CNTNAP4: variants seen among roughly 807,000 people sequenced by gnomAD.
The protein encoded by CNTNAP4 is contactin-associated protein-like 4.
A neutral mutation model predicts 148.4 loss-of-function variants in CNTNAP4; 98 were observed. That is an observed-to-expected ratio of 0.66 (90% CI 0.56 to 0.78). CNTNAP4 has a LOEUF of 0.78. Ranked by LOEUF, CNTNAP4 falls within the 30% of genes least tolerant of loss-of-function variation. The pLI, the probability that CNTNAP4 is intolerant of heterozygous loss-of-function variation, is 0.00. For missense variants in CNTNAP4, 1,935 were observed against 1,565.6 expected (o/e 1.24, Z -3.98); for synonymous variants, 730 against 565.1 (o/e 1.29, Z -4.14).
At chr16:76,349,924 A>G (rs1362772059) in intron 2 of CNTNAP4, among the ~76,000 whole-genome samples, 1 of 152,080 alleles carries the variant, frequency 6.6e-6, no homozygotes, top group African/African-American at 2.4e-5. Context: ...TTTTAATATT[A>G]CTACGGGATA....
chr16:76,279,194 A>G (rs1567560143), intron 1 of CNTNAP4, among the ~76,000 whole-genome samples: 1 of 152,184 alleles, frequency 6.6e-6, no homozygotes, highest in South Asian at 2.1e-4. Context: ...GTTCAACCAA[A>G]AAGAAAAGCA....
intron 1 of CNTNAP4, among the ~76,000 whole-genome samples, chr16:76,287,042 G>A (rs1958918024): frequency 6.6e-6 from 1 of 152,128 alleles, no homozygotes; most frequent in African/African-American, 2.4e-5. Context: ...TCACAATCCT[G>A]TTAAGAAAAC....
chr16:76,309,936 C>T (rs1403175861), intron 1 of CNTNAP4: 1 of 701,066 alleles, frequency 1.4e-6, no homozygotes, highest in Admixed American at 2.0e-5. Context: ...TTTTTCTTCC[C>T]CGTCTCGGGT....
intron 3 of CNTNAP4, among the ~76,000 whole-genome samples, chr16:76,373,388 C>G (rs947133890): frequency 2.0e-5 from 3 of 152,088 alleles, no homozygotes; most frequent in Non-Finnish European, 4.4e-5. Context: ...AACTACATAG[C>G]TTTATCTATC....
intron 8 of CNTNAP4, among the ~76,000 whole-genome samples, chr16:76,456,063 G>A (rs938332384): frequency 3.3e-5 from 5 of 152,112 alleles, no homozygotes; most frequent in African/African-American, 1.2e-4. Context: ...GGTCTCCAAC[G>A]TGTAATTGCA....
In CNTNAP4 at chr16:76,503,541, T is replaced by A. The variant is rs184928520; in HGVS notation, c.2365+4847T>A. Among the ~76,000 whole-genome samples, 278 of 152,296 alleles carry A rather than the reference T, an allele frequency of 1.8e-3. 3 individuals carry two copies. The highest frequency in any genetic ancestry group is 1.5e-3 in the Non-Finnish European group (99 of 68,016). ...CAAAAGTGAATTATATATTTTTTAT[T>A]ATTATACTTTAAGTTCTAGGGTACA... On this transcript the variant is annotated intron_variant, in intron 15 of 23. Transcript: ENST00000611870.
chr16:76,438,207 C>T (rs570724373), intron 4 of CNTNAP4, among the ~76,000 whole-genome samples: 25 of 152,054 alleles, frequency 1.6e-4, no homozygotes, highest in Non-Finnish European at 1.9e-4. Flanking sequence ...AGCAAGGGTC[C>T]GTGCTCCTGC....
intron 1 of CNTNAP4, among the ~76,000 whole-genome samples, chr16:76,296,460 AAG>A (rs1309205874): frequency 1.3e-5 from 2 of 152,224 alleles, no homozygotes; most frequent in African/African-American, 4.8e-5. Context: ...GATGTGTAAA[AAG>A]AGAATTTGGT....
At position 76,466,092 on chromosome 16, in the gene CNTNAP4, TA is replaced by T. The variant is rs566378743; in HGVS notation, c.1484-1253del. ...ACTATCATGGCAAATAAAGATTAAT[TA>T]AAAAAATAATAACCACCCATCTAGT... is the stretch of plus-strand genomic sequence containing the variant. On this transcript the variant is annotated intron_variant, in intron 9 of 23. Transcript: ENST00000611870. Among the ~76,000 whole-genome samples the T allele has an allele frequency of 7.2e-5, 11 of 152,264 alleles. No individual in the cohort carries two copies. The South Asian group carries it at 2.3e-3, about 32-fold the overall frequency.
intron 3 of CNTNAP4, among the ~76,000 whole-genome samples, chr16:76,409,712 TTA>T (rs1343947127): frequency 1.3e-5 from 2 of 152,020 alleles, no homozygotes; most frequent in African/African-American, 4.8e-5. Flanking sequence ...GTTTAAATAA[TTA>T]TTTGGCTTTA....
chr16:76,393,730 A>G (rs932014380), intron 3 of CNTNAP4, among the ~76,000 whole-genome samples: 1 of 152,118 alleles, frequency 6.6e-6, no homozygotes, highest in Non-Finnish European at 1.5e-5. Context: ...GGCAGAGGGT[A>G]TCCTGGGCTG....
chr16:76,481,150 G>A (rs953196626), intron 12 of CNTNAP4, among the ~76,000 whole-genome samples: 7 of 152,104 alleles, frequency 4.6e-5, no homozygotes, highest in African/African-American at 1.2e-4. Context: ...AAGGAAAGAT[G>A]GTCTTTTCAA....
chr16:76,370,832 G>T (rs13337026), intron 3 of CNTNAP4, among the ~76,000 whole-genome samples: 7,634 of 152,142 alleles, frequency 0.05, 617 homozygotes, highest in African/African-American at 0.17. Flanking sequence ...AAAGAAAATA[G>T]ATCAATATTT....
intron 21 of CNTNAP4, among the ~76,000 whole-genome samples, chr16:76,541,965 CAT>C (rs1459852366): frequency 2.6e-5 from 4 of 152,196 alleles, no homozygotes; most frequent in Non-Finnish European, 4.4e-5. Flanking sequence ...TTAAGACTGA[CAT>C]GTGTATCATT....
chr16:76,385,206 A>G (rs2016401276), intron 3 of CNTNAP4, among the ~76,000 whole-genome samples: 1 of 152,182 alleles, frequency 6.6e-6, no homozygotes, highest in African/African-American at 2.4e-5. Context: ...TAGAGCAGCA[A>G]GAGCTATGTG....
chr16:76,457,985 C>G (rs979318006), intron 8 of CNTNAP4, among the ~76,000 whole-genome samples: 47 of 152,008 alleles, frequency 3.1e-4, no homozygotes, highest in African/African-American at 1.0e-3. Flanking sequence ...GCCTGTTTTT[C>G]CCATCTGTAT....
chr16:76,450,845 A>G (rs527937950), intron 7 of CNTNAP4, among the ~76,000 whole-genome samples: 1 of 152,198 alleles, frequency 6.6e-6, no homozygotes, highest in African/African-American at 2.4e-5. Context: ...GTGGATCTAT[A>G]TTAGGACTTG....
At chr16:76,478,985 A>G (rs1241752721) in intron 11 of CNTNAP4, among the ~76,000 whole-genome samples, 1 of 152,126 alleles carries the variant, frequency 6.6e-6, no homozygotes, top group Non-Finnish European at 1.5e-5. Context: ...CTAACAGCAG[A>G]TTTTTTAAGG....
chr16:76,535,413 T>C (rs1012349970), intron 17 of CNTNAP4, 132 bp from the exon 18 acceptor site: 3 of 889,258 alleles, frequency 3.4e-6, no homozygotes, highest in African/African-American at 1.7e-5. Flanking sequence ...TGACCATGAA[T>C]TGTGTTTCCA....
Sources: gnomAD v4.1 joint callset for allele counts (sites outside exome capture counted in the v4.1 genomes callset) on GRCh38, gnomAD v4.1.1 for gene constraint, MANE v1.5 for transcripts, NCBI Gene and HGNC (gene_info 2026-07-23, HGNC 2026-07-21) for gene names.